SLC35D4: variants seen among roughly 807,000 people sequenced by gnomAD.
The protein encoded by SLC35D4 is solute carrier family 35 member D4.
At chr18:23,275,631 G>T in the SLC35D4 span, among the ~76,000 whole-genome samples, 1 of 144,288 alleles carries the variant, frequency 6.9e-6, no homozygotes, top group Non-Finnish European at 1.5e-5. Context: ...GCTGTGCTGT[G>T]CTGTGCTGTG....
chr18:23,285,155 C>T, the SLC35D4 span, among the ~76,000 whole-genome samples: 6 of 152,024 alleles, frequency 3.9e-5, no homozygotes, highest in Admixed American at 1.3e-4. Flanking sequence ...CCCTTATTTC[C>T]GCACCCCGAC....
the SLC35D4 span, among the ~76,000 whole-genome samples, chr18:23,435,205 C>T: frequency 3.3e-5 from 5 of 150,394 alleles, no homozygotes; most frequent in Non-Finnish European, 5.9e-5. Flanking sequence ...AATGTACATC[C>T]AAAGAGGGGC....
At chr18:23,401,174 G>T in the SLC35D4 span, among the ~76,000 whole-genome samples, 2 of 152,186 alleles carry the variant, frequency 1.3e-5, no homozygotes, top group African/African-American at 4.8e-5. Context: ...TACAGATGAG[G>T]AAACTGAGAC....
At chr18:23,329,513 C>G in the SLC35D4 span, among the ~76,000 whole-genome samples, 2 of 152,312 alleles carry the variant, frequency 1.3e-5, no homozygotes, top group African/African-American at 4.8e-5. Context: ...GAGATACCAT[C>G]TCATGCCAGT....
chr18:23,386,867 G>C, the SLC35D4 span, among the ~76,000 whole-genome samples: 1 of 152,194 alleles, frequency 6.6e-6, no homozygotes, highest in Non-Finnish European at 1.5e-5. Flanking sequence ...CCTTGACAAG[G>C]TGAGGGGGGA....
chr18:23,430,310 A>G, the SLC35D4 span, among the ~76,000 whole-genome samples: 5 of 151,916 alleles, frequency 3.3e-5, no homozygotes, highest in East Asian at 9.7e-4. Context: ...CTGGCCTCCT[A>G]CAATCCTCTT....
chr18:23,316,566 A>G, the SLC35D4 span, among the ~76,000 whole-genome samples: 3 of 152,240 alleles, frequency 2.0e-5, no homozygotes, highest in African/African-American at 7.2e-5. Flanking sequence ...ACAGTATTTA[A>G]TATTGCCTCA....
At chr18:23,381,112 T>C in the SLC35D4 span, among the ~76,000 whole-genome samples, 88 of 152,290 alleles carry the variant, frequency 5.8e-4, no homozygotes, top group Admixed American at 2.0e-3. Context: ...AGCAGCATCA[T>C]AGAGCAGATT....
At chr18:23,413,831 C>T in the SLC35D4 span, among the ~76,000 whole-genome samples, 1 of 151,908 alleles carries the variant, frequency 6.6e-6, no homozygotes, top group African/African-American at 2.4e-5. Flanking sequence ...GTAGCCCCAG[C>T]TACTTGGGAG....
the SLC35D4 span, chr18:23,297,798 G>A: frequency 1.1e-5 from 6 of 552,080 alleles, no homozygotes; most frequent in East Asian, 1.6e-4. Context: ...CCCAGAAAGG[G>A]TGCTCCTTGA....
chr18:23,301,439 C>T, the SLC35D4 span, among the ~76,000 whole-genome samples: 133 of 152,196 alleles, frequency 8.7e-4, 1 homozygote, highest in African/African-American at 3.0e-3. Context: ...GGGCAGCCTC[C>T]GTGAAGTTCC....
At chr18:23,350,491 G>C in the SLC35D4 span, among the ~76,000 whole-genome samples, 3 of 152,114 alleles carry the variant, frequency 2.0e-5, no homozygotes, top group Non-Finnish European at 4.4e-5. Flanking sequence ...TGTGTATGCA[G>C]GCTCTGCTGG....
chr18:23,253,367 C>T, the SLC35D4 span, among the ~76,000 whole-genome samples: 2 of 152,170 alleles, frequency 1.3e-5, no homozygotes, highest in African/African-American at 4.8e-5. Context: ...CCTGTAAGCA[C>T]AGCTACTTGG....
At chr18:23,405,010 A>G in the SLC35D4 span, among the ~76,000 whole-genome samples, 1 of 150,416 alleles carries the variant, frequency 6.6e-6, no homozygotes. Flanking sequence ...AAAAAAAAAA[A>G]AAAAAAAAAA....
the SLC35D4 span, among the ~76,000 whole-genome samples, chr18:23,328,472 A>G: frequency 2.0e-5 from 3 of 152,206 alleles, no homozygotes; most frequent in Non-Finnish European, 2.9e-5. Context: ...AAAGAGAATA[A>G]AATACCTAGG....
the SLC35D4 span, chr18:23,298,147 G>C: frequency 6.5e-7 from 1 of 1,533,962 alleles, no homozygotes; most frequent in Non-Finnish European, 9.0e-7. Context: ...GCAGGGCAAG[G>C]GGTGCTTCCC....
chr18:23,323,939 A>G, the SLC35D4 span, among the ~76,000 whole-genome samples: 1 of 151,906 alleles, frequency 6.6e-6, no homozygotes, highest in Admixed American at 6.6e-5. Flanking sequence ...TTAGCCAGGC[A>G]TGGTTGGGCA....
At chr18:23,245,059 G>A in the SLC35D4 span, among the ~76,000 whole-genome samples, 2 of 152,194 alleles carry the variant, frequency 1.3e-5, no homozygotes, top group East Asian at 1.9e-4. Flanking sequence ...TTTTTGAGGT[G>A]TGTGTACCTC....
At chr18:23,421,145 G>A in the SLC35D4 span, among the ~76,000 whole-genome samples, 36 of 152,246 alleles carry the variant, frequency 2.4e-4, 1 homozygote, top group Admixed American at 7.8e-4. Context: ...TTAGGAGGCT[G>A]AGGCATGAGA....
Sources: allele counts gnomAD v4.1 joint callset (sites outside exome capture counted in the v4.1 genomes callset), GRCh38; gene constraint gnomAD v4.1.1; transcripts MANE v1.5; gene names NCBI Gene and HGNC (gene_info 2026-07-23, HGNC 2026-07-21).